Variants in PFKFB2 observed in about 807,000 individuals in gnomAD.
PFKFB2 encodes the protein 6-phosphofructo-2-kinase/fructose-2,6-biphosphatase 2.
In PFKFB2, 53 loss-of-function variants were observed where a neutral mutation model predicts 68.0. The ratio of observed to expected loss-of-function variants is 0.78; its 90% CI spans 0.63 to 0.98. The LOEUF (loss-of-function observed/expected upper bound fraction) is 0.98. Ranked by LOEUF, PFKFB2 falls within the 50% of genes least tolerant of loss-of-function variation. PFKFB2 has a pLI of 0.00. For synonymous variants in PFKFB2, 222 were observed against 227.6 expected (o/e 0.98, Z 0.22); for missense variants, 451 against 642.0 (o/e 0.70, Z 3.22).
In PFKFB2 at chr1:207,068,142, AT is replaced by A. The variant is rs760405891; in HGVS notation, c.841-17del. The A allele has an allele frequency of 7.0e-6, 11 of 1,573,792 alleles. No homozygotes were observed. Among genetic ancestry groups the A allele is most frequent in the Middle Eastern group, 1.7e-4 (1 of 5,882 alleles). ...TCTGTGTGTTTTCTTTTTACCCTTA[AT>A]TTTCATTTTTAAACCCCAGTTTGCC... is the stretch of plus-strand genomic sequence containing the variant. On this transcript the variant is annotated intron_variant, in intron 9 of 14. Transcript: ENST00000367080.
At chr1:207,068,500 G>C (rs1032843822) in intron 10 of PFKFB2, among the ~76,000 whole-genome samples, 191 bp downstream of exon 10, 10 of 152,152 alleles carry the variant, frequency 6.6e-5, no homozygotes, top group Admixed American at 6.5e-4. Flanking sequence ...TTTCCTGCCT[G>C]ATTCAGTACC....
At chr1:207,050,534 G>A (rs968451606), upstream of PFKFB2, among the ~76,000 whole-genome samples, 11 of 152,092 alleles carry the variant, frequency 7.2e-5, no homozygotes, top group African/African-American at 2.2e-4. Context: ...CCTGGCCCCC[G>A]TCAGCATTCT....
intron 1 of PFKFB2, among the ~76,000 whole-genome samples, chr1:207,040,618 C>T (rs1018500904): frequency 6.6e-6 from 1 of 152,152 alleles, no homozygotes; most frequent in Non-Finnish European, 1.5e-5. Flanking sequence ...GTCTGGTAAA[C>T]ATCCTCAAAA....
chr1:207,044,564 G>C (rs1185775784), intron 2 of PFKFB2: 1 of 152,286 alleles, frequency 6.6e-6, no homozygotes, highest in African/African-American at 2.4e-5. Context: ...CCTATATGTT[G>C]GTTAGTACTT....
intron 10 of PFKFB2, among the ~76,000 whole-genome samples, chr1:207,068,852 AT>A (rs1477644664): frequency 6.6e-6 from 1 of 151,508 alleles, no homozygotes; most frequent in Non-Finnish European, 1.5e-5. Flanking sequence ...GGTTCAAGCA[AT>A]TCTCTCCCTC....
downstream of PFKFB2, chr1:207,079,480 A>G (rs1683710043): frequency 6.4e-6 from 1 of 156,088 alleles, no homozygotes; most frequent in South Asian, 2.0e-4. Flanking sequence ...TTATGCTAGC[A>G]GTTACCATTT....
In PFKFB2 at chr1:207,072,846, A is replaced by G; in HGVS notation, c.*475A>G. ...GTGTTTTCCTCACACTCCTTACTTG[A>G]CTGCTTTCTTCCCCCACTTTCATGT... On this transcript the variant is annotated 3_prime_UTR_variant, in exon 15 of 15. Coordinates refer to ENST00000367080, the MANE Select transcript of PFKFB2 (RefSeq NM_006212.2). 1.0e-6 allele frequency: 1 copy of G among 989,774 alleles called. No homozygotes were observed. The highest frequency in any genetic ancestry group is 1.2e-6 in the Non-Finnish European group (1 of 832,956). 61.3% of individuals were successfully genotyped at this position (989,774 alleles called of 1,614,324 possible).
intron 1 of PFKFB2, among the ~76,000 whole-genome samples, chr1:207,038,070 C>A (rs530706484): frequency 7.2e-5 from 11 of 152,308 alleles, no homozygotes; most frequent in African/African-American, 2.6e-4. Flanking sequence ...CTCCACAGGG[C>A]AGTTACAGTA....
At chr1:207,069,191 G>A (rs1216602769) in intron 10 of PFKFB2, among the ~76,000 whole-genome samples, 1 of 152,170 alleles carries the variant, frequency 6.6e-6, no homozygotes, top group Non-Finnish European at 1.5e-5. Flanking sequence ...GTAGGAGAAT[G>A]TGGTAGCTTG....
At chr1:207,037,568 A>G (rs547080480) in intron 1 of PFKFB2, among the ~76,000 whole-genome samples, 6 of 152,240 alleles carry the variant, frequency 3.9e-5, no homozygotes, top group Non-Finnish European at 7.3e-5. Context: ...CTGCTTTCAC[A>G]TGATTCACAA....
chr1:207,073,938 A>T lies in PFKFB2; in HGVS notation c.*1567A>T. On this transcript the variant is annotated 3_prime_UTR_variant, in exon 15 of 15. Coordinates refer to ENST00000367080, the MANE Select transcript of PFKFB2 (RefSeq NM_006212.2). ...TGGTCTTTTAGAGGTAACCAGTGAGAAGGAGTTAGCTATTTTCCAAGGGTG... is the reference window on the plus strand; with the variant it reads ...TGGTCTTTTAGAGGTAACCAGTGAGTAGGAGTTAGCTATTTTCCAAGGGTG... 1.0e-6 allele frequency: 1 copy of T among 985,386 alleles called. No individual in the cohort carries two copies. The highest frequency in any genetic ancestry group is 1.2e-6 in the Non-Finnish European group (1 of 829,884). The allele number at this position is 985,386 out of a possible 1,614,324, so 61.0% of individuals were successfully genotyped here. A position where few individuals can be genotyped will look rare whatever the true frequency, so the allele number is the denominator to read the frequency against.
downstream of PFKFB2, chr1:207,078,883 C>A: frequency 1.5e-6 from 2 of 1,291,448 alleles, no homozygotes; most frequent in Non-Finnish European, 2.2e-6. Flanking sequence ...GGGAAGGATT[C>A]TGTTCTACTT....
At chr1:207,051,687 T>C (rs754324437), upstream of PFKFB2, among the ~76,000 whole-genome samples, 8 of 152,210 alleles carry the variant, frequency 5.3e-5, no homozygotes, top group Non-Finnish European at 8.8e-5. Flanking sequence ...CATACAAATA[T>C]GAAGACTTCA....
chr1:207,078,144 A>G (rs1236985771), downstream of PFKFB2, among the ~76,000 whole-genome samples: 1 of 152,260 alleles, frequency 6.6e-6, no homozygotes, highest in East Asian at 1.9e-4. Flanking sequence ...TGTATTATAA[A>G]GAAAACTTTT....
At chr1:207,065,376 G>A in intron 8 of PFKFB2, 2 of 870,810 alleles carry the variant, frequency 2.3e-6, no homozygotes, top group Non-Finnish European at 2.8e-6. Context: ...TTTGAGACAG[G>A]GTCTCACTCT....
upstream of PFKFB2, chr1:207,052,182 C>A (rs1682768564): frequency 3.1e-6 from 5 of 1,612,604 alleles, no homozygotes; most frequent in Non-Finnish European, 4.2e-6. Context: ...GGTGCAAACT[C>A]ACCTCCACTG....
At chr1:207,050,810 C>T, upstream of PFKFB2, 1 of 1,613,308 alleles carries the variant, frequency 6.2e-7, no homozygotes, top group Non-Finnish European at 8.5e-7. Context: ...GGCAATTTGG[C>T]CCTGGAGTTC....
intron 1 of PFKFB2, among the ~76,000 whole-genome samples, chr1:207,039,596 A>C (rs539778946): frequency 2.6e-5 from 4 of 152,284 alleles, no homozygotes; most frequent in Admixed American, 1.3e-4. Flanking sequence ...CAGAAAAATT[A>C]TTACATCATT....
upstream of PFKFB2, chr1:207,052,046 C>A: frequency 1.5e-6 from 1 of 689,116 alleles, no homozygotes; most frequent in Non-Finnish European, 2.5e-6. Context: ...CTCTCTTTTC[C>A]AAGAAATCCA....
Sources: allele counts gnomAD v4.1 joint callset (sites outside exome capture counted in the v4.1 genomes callset), GRCh38; gene constraint gnomAD v4.1.1; transcripts MANE v1.5; gene names NCBI Gene and HGNC (gene_info 2026-07-23, HGNC 2026-07-21).